The following CFAP54 variants were observed in gnomAD, a reference collection of about 807,000 sequenced individuals.
CFAP54 encodes the protein cilia- and flagella-associated protein 54.
Under a neutral mutation model 370.4 loss-of-function variants are expected in CFAP54, and 290 were observed. That is an observed-to-expected ratio of 0.78 (90% CI 0.71 to 0.86). The LOEUF (loss-of-function observed/expected upper bound fraction) is 0.86. CFAP54 is among the 40% of genes least tolerant of loss of function. The pLI is 0.00. For synonymous variants in CFAP54, 1,206 were observed against 1,236.5 expected, an observed-to-expected ratio of 0.98 and a Z score of 0.52; for missense variants, 3,399 against 3,528.7, an observed-to-expected ratio of 0.96 and a Z score of 0.93.
In CFAP54 at chr12:96,664,735, ATATC is replaced by A. The variant is rs1260866577; in HGVS notation, c.5563+807_5563+810del. ...TATATCTATATATATCTATATATAT[ATATC>A]TATATATATATATATCTATATATAT... On this transcript the variant is annotated intron_variant, in intron 39 of 67. Coordinates refer to ENST00000524981, the MANE Select transcript of CFAP54 (RefSeq NM_001306084.2). Among the ~76,000 whole-genome samples the A allele has an allele frequency of 3.9e-3, 202 of 51,864 alleles. 3 individuals are homozygous for A. The highest frequency in any genetic ancestry group is 0.013 in the African/African-American group (142 of 11,268). 34.0% of individuals were successfully genotyped at this position (51,864 alleles called of 152,430 possible).
intron 36 of CFAP54, among the ~76,000 whole-genome samples, chr12:96,655,231 T>C (rs2136509155): frequency 6.6e-6 from 1 of 151,758 alleles, no homozygotes; most frequent in Admixed American, 6.6e-5. Context: ...GTTCAGAGGT[T>C]TCAAAAAGAA....
chr12:96,764,394 A>T, intron 59 of CFAP54, 145 bp downstream of exon 59: 2 of 560,254 alleles, frequency 3.6e-6, no homozygotes, highest in Non-Finnish European at 6.0e-6. Flanking sequence ...AGGCTGAGGC[A>T]GGAGGATCAC....
chr12:96,664,715 CTATATATATCTATA>C (rs1565934249), intron 39 of CFAP54, among the ~76,000 whole-genome samples: 21 of 66,734 alleles, frequency 3.1e-4, no homozygotes, highest in South Asian at 6.3e-4. Flanking sequence ...ATATATATAT[CTATATATATCTATA>C]TATATATATC....
intron 66 of CFAP54, among the ~76,000 whole-genome samples, chr12:96,843,058 T>C (rs769116466): frequency 6.6e-6 from 1 of 152,206 alleles, no homozygotes; most frequent in Non-Finnish European, 1.5e-5. Flanking sequence ...GTCTGTCCTC[T>C]GGTTTGCTAC....
intron 60 of CFAP54, among the ~76,000 whole-genome samples, chr12:96,767,651 G>T (rs1958414226): frequency 6.6e-6 from 1 of 152,152 alleles, no homozygotes; most frequent in African/African-American, 2.4e-5. Flanking sequence ...CAGTGTTGGG[G>T]TTAGAAGGAG....
chr12:96,534,006 T>C (rs1397920803), intron 10 of CFAP54, 33 bp downstream of exon 10: 1 of 1,498,358 alleles, frequency 6.7e-7, no homozygotes, highest in Non-Finnish European at 8.8e-7. Context: ...CCTGGTTTTT[T>C]TTTTGTTAAA....
intron 17 of CFAP54, among the ~76,000 whole-genome samples, chr12:96,557,746 A>C (rs549382659): frequency 6.6e-6 from 1 of 152,124 alleles, no homozygotes; most frequent in East Asian, 1.9e-4. Flanking sequence ...GGATGTTTTA[A>C]ATCAAGCTCA....
chr12:96,873,613 A>C (rs1442146844), intron 67 of CFAP54, among the ~76,000 whole-genome samples: 1 of 152,162 alleles, frequency 6.6e-6, no homozygotes, highest in African/African-American at 2.4e-5. Context: ...GGGTCTTCAA[A>C]CTTTTTCTAT....
At chr12:96,775,256 C>G (rs987899736) in intron 60 of CFAP54, among the ~76,000 whole-genome samples, 1 of 152,038 alleles carries the variant, frequency 6.6e-6, no homozygotes, top group Non-Finnish European at 1.5e-5. Context: ...GGCGAAACCC[C>G]GTTTCTACTA....
intron 5 of CFAP54, among the ~76,000 whole-genome samples, chr12:96,514,865 A>G (rs987109483): frequency 6.6e-6 from 1 of 152,236 alleles, no homozygotes; most frequent in East Asian, 1.9e-4. Context: ...TTTTTCAACC[A>G]TAAGGAAACC....
At chr12:96,693,880 C>T in intron 45 of CFAP54, 72 bp downstream of exon 45, 1 of 958,216 alleles carries the variant, frequency 1.0e-6, no homozygotes, top group Non-Finnish European at 1.6e-6. Context: ...TAATTTGATT[C>T]TAGGACTTAT....
chr12:96,646,518 T>C (rs886981129), intron 33 of CFAP54: 1 of 152,232 alleles, frequency 6.6e-6, no homozygotes, highest in Non-Finnish European at 1.5e-5. Context: ...TGTAAACTAG[T>C]TCAACCTTTG....
intron 65 of CFAP54, among the ~76,000 whole-genome samples, chr12:96,822,015 C>T (rs576839398): frequency 7.2e-5 from 11 of 152,146 alleles, no homozygotes; most frequent in African/African-American, 2.4e-4. Context: ...TGTATATCCC[C>T]CCAAAACCCT....
rs181287882 is a variant in CFAP54 at position 96,732,857 on chromosome 12, A to C, written c.6966-7099A>C. Among the ~76,000 whole-genome samples, 186 of 148,712 alleles carry C rather than the reference A, an allele frequency of 1.3e-3. 1 individual carries two copies. Among genetic ancestry groups the C allele is most frequent in the Non-Finnish European group, 1.9e-3 (129 of 67,810 alleles). On this transcript the variant is annotated intron_variant, in intron 50 of 67. Transcript: ENST00000524981. ...TTTTTACTATATAATTCTCTATAGA[A>C]CTGTTTTTTTTTTCCAAACTATGTG...
rs778668345 is a variant in CFAP54, at chr12:96,693,724, T to C, written c.6267T>C (p.Val2089=). ...AAAGAGTGTTTTTCTCCTGATAGGTTCTGCCTCTCCTTGCATTGTATCAAT... is the reference window on the plus strand; with the variant it reads ...AAAGAGTGTTTTTCTCCTGATAGGTCCTGCCTCTCCTTGCATTGTATCAAT... ...ELHFVRQNLI[V]LPLLALYQYF... is the part of the protein sequence containing the mutation. Residue 2089 remains valine, a splice_region_variant and synonymous_variant, in exon 45 of 68, where the codon GTT becomes GTC. Transcript: ENST00000524981. 6.4e-7 allele frequency: 1 copy of C among 1,572,856 alleles called. No individual in the cohort carries two copies. The highest frequency in any genetic ancestry group is 2.2e-5 in the East Asian group (1 of 44,548).
rs1361524136 is a variant in CFAP54 at position 96,700,453 on chromosome 12, AT to A, written c.6474+361del. Among the ~76,000 whole-genome samples the A allele has an allele frequency of 2.0e-5, 3 of 152,210 alleles. No homozygotes were observed. The East Asian group carries it at 5.8e-4, about 29-fold the overall frequency. On this transcript the variant is annotated intron_variant, in intron 46 of 67. Coordinates refer to ENST00000524981, the MANE Select transcript of CFAP54 (RefSeq NM_001306084.2). ...TTTCTGGTTAAGATTTTAAATCAAA[AT>A]AGTCTTTCCTTATGTCTTATTTGCA...
At chr12:96,742,913 A>G (rs1458811495) in intron 52 of CFAP54, among the ~76,000 whole-genome samples, 1 of 152,196 alleles carries the variant, frequency 6.6e-6, no homozygotes, top group Non-Finnish European at 1.5e-5. Context: ...CTTGGGTTCA[A>G]ATATTGGATC....
At chr12:96,783,947 G>A (rs1163183048) in intron 60 of CFAP54, among the ~76,000 whole-genome samples, 11 of 152,178 alleles carry the variant, frequency 7.2e-5, no homozygotes, top group Non-Finnish European at 2.9e-5. Flanking sequence ...GAGGCCGAAG[G>A]CACAGAGAGA....
At chr12:96,670,394 T>C (rs2136533782) in intron 39 of CFAP54, among the ~76,000 whole-genome samples, 1 of 152,316 alleles carries the variant, frequency 6.6e-6, no homozygotes, top group South Asian at 2.1e-4. Context: ...TTTGTTATTG[T>C]CTCTATTTTT....
Sources: allele counts gnomAD v4.1 joint callset (sites outside exome capture counted in the v4.1 genomes callset), GRCh38; gene constraint gnomAD v4.1.1; transcripts MANE v1.5; gene names NCBI Gene and HGNC (gene_info 2026-07-23, HGNC 2026-07-21).